The following CCDC136 variants were observed in gnomAD, a reference collection of about 807,000 sequenced individuals.
The protein encoded by CCDC136 is coiled-coil domain-containing protein 136.
Under a neutral mutation model 141.2 loss-of-function variants are expected in CCDC136, and 100 were observed. The observed-to-expected ratio is 0.71, with a 90% CI of 0.60 to 0.84. The LOEUF (loss-of-function observed/expected upper bound fraction) is 0.84, where lower values mean the gene tolerates loss of function less well. CCDC136 is among the 40% of genes least tolerant of loss of function. The probability of loss-of-function intolerance (pLI) is 0.00; values close to 1 mark genes in which losing one functional copy is unlikely to be tolerated. For missense variants in CCDC136, 1,206 were observed against 1,379.4 expected (o/e 0.87, Z 1.99); for synonymous variants, 474 against 531.9 (o/e 0.89, Z 1.50).
At chr7:128,818,897 C>T (rs1203254652) in intron 17 of CCDC136, among the ~76,000 whole-genome samples, 2 of 152,204 alleles carry the variant, frequency 1.3e-5, no homozygotes, top group Admixed American at 6.5e-5. Context: ...TCTCACATTC[C>T]TGTGAACGGA....
In CCDC136 at chr7:128,810,245, T is replaced by G; in HGVS notation, c.1907T>G (p.Leu636Ter). ...KKLIQNQDCV[L>*]KEQLEIHEEL... ...CTGATACAGAACCAAGACTGTGTAT[T>G]AAAAGAACAATTAGAGATCCACGAA... Residue 636 changes from leucine to a stop codon, truncating the protein, a stop_gained, in exon 12 of 18, where the codon TTA (leucine) becomes TGA (stop). Transcript: ENST00000297788. LOFTEE classifies it high-confidence loss of function. 6.2e-7 allele frequency: 1 copy of G among 1,613,498 alleles called. No homozygotes were observed.
chr7:128,812,961 T>C, intron 14 of CCDC136, 32 bp downstream of exon 14: 1 of 1,470,974 alleles, frequency 6.8e-7, no homozygotes, highest in Non-Finnish European at 9.3e-7. Context: ...GGGTTTCCTC[T>C]GGCAGCCCCT....
intron 3 of CCDC136, among the ~76,000 whole-genome samples, chr7:128,796,940 A>G (rs963928952): frequency 1.3e-5 from 2 of 150,240 alleles, no homozygotes; most frequent in Non-Finnish European, 3.0e-5. Context: ...ACGGGGTTTC[A>G]CCGTTTTAGC....
rs754932564 is a variant in CCDC136 at position 128,806,640 on chromosome 7, G to A, written c.1249-48G>A. The A allele has an allele frequency of 1.9e-6, 3 of 1,546,884 alleles. No individual in the cohort carries two copies. The South Asian group carries it at 3.6e-5, about 19-fold the overall frequency. ...TCAAGTGACTCACACAGAAGAGTGAGTGGGTTAAGGAGCCCAAAGGCACTG... is the reference window on the plus strand; with the variant it reads ...TCAAGTGACTCACACAGAAGAGTGAATGGGTTAAGGAGCCCAAAGGCACTG... On this transcript the variant is annotated intron_variant, in intron 8 of 17. Coordinates refer to ENST00000297788, the MANE Select transcript of CCDC136 (RefSeq NM_022742.5).
chr7:128,819,904 A>G (rs1431366274), intron 17 of CCDC136, among the ~76,000 whole-genome samples: 1 of 152,040 alleles, frequency 6.6e-6, no homozygotes, highest in East Asian at 1.9e-4. Context: ...TTATTTATTT[A>G]TTTCATGTAT....
intron 3 of CCDC136, among the ~76,000 whole-genome samples, chr7:128,797,367 GAAATAATGGT>G (rs1803195861): frequency 6.6e-6 from 1 of 152,196 alleles, no homozygotes. Context: ...GAATCCATGG[GAAATAATGGT>G]GCAGTCACAT....
At chr7:128,793,489 G>A (rs1802504158) in intron 1 of CCDC136, among the ~76,000 whole-genome samples, 1 of 152,214 alleles carries the variant, frequency 6.6e-6, no homozygotes, top group South Asian at 2.1e-4. Flanking sequence ...GCCCGAGTTT[G>A]TCCAATGAAA....
Position 128,814,886 on chromosome 7 carries a change from G to A in CCDC136, c.3012G>A (p.Ser1004=), listed in dbSNP as rs192407933. The change falls in exon 15 of 18, where the codon TCG becomes TCA. Residue 1004 remains serine, a synonymous_variant. Coordinates refer to ENST00000297788, the MANE Select transcript of CCDC136 (RefSeq NM_022742.5). ...VKMKKVTKPC[S]DTSESDLETR... is the part of the protein sequence containing the mutation. ...TGAAAAAGGTGACCAAGCCATGCTCGGATACTTCTGAGAGCGACCTTGAGA... is the reference window on the plus strand; with the variant it reads ...TGAAAAAGGTGACCAAGCCATGCTCAGATACTTCTGAGAGCGACCTTGAGA... 41 of 1,603,564 alleles carry A rather than the reference G, an allele frequency of 2.6e-5. No homozygotes were observed. In the Admixed American group the frequency reaches 5.1e-4, roughly 20 times the overall value.
intron 3 of CCDC136, among the ~76,000 whole-genome samples, chr7:128,796,085 A>G (rs1172984466): frequency 6.6e-6 from 1 of 152,136 alleles, no homozygotes; most frequent in African/African-American, 2.4e-5. Flanking sequence ...AAGCGATTCT[A>G]GTGCCTCAGC....
intron 9 of CCDC136, 44 bp downstream of exon 9, chr7:128,806,902 C>T (rs1260785128): frequency 1.3e-6 from 2 of 1,551,008 alleles, no homozygotes; most frequent in Non-Finnish European, 1.7e-6. Context: ...CAGGCATCAT[C>T]TTGTGTGAGG....
In CCDC136 at chr7:128,816,001, G is replaced by A. The variant is rs537714551; in HGVS notation, c.3363+70G>A. On this transcript the variant is annotated intron_variant, in intron 16 of 17. Transcript: ENST00000297788. ...GGCTCAGATAACTCCGAGTTAATGG[G>A]TGGCCCTGCCAAGGATGGATATCTC... is the stretch of plus-strand genomic sequence containing the variant. 1.4e-5 allele frequency: 21 copies of A among 1,473,136 alleles called. No individual in the cohort carries two copies. In the East Asian group the frequency reaches 1.6e-4, roughly 11 times the overall value. 91.3% of individuals were successfully genotyped at this position (1,473,136 alleles called of 1,614,324 possible).
intron 10 of CCDC136, 23 bp downstream of exon 10, chr7:128,807,568 A>G: frequency 7.4e-7 from 1 of 1,349,378 alleles, no homozygotes; most frequent in Non-Finnish European, 9.7e-7. Context: ...CAGAGAGGTG[A>G]CAGCTCCTGG....
intron 3 of CCDC136, among the ~76,000 whole-genome samples, chr7:128,795,282 C>T (rs1304526378): frequency 6.6e-6 from 1 of 151,958 alleles, no homozygotes; most frequent in African/African-American, 2.4e-5. Context: ...GCTTGTGGGC[C>T]CCAAATCCCT....
At chr7:128,809,319 G>A in intron 10 of CCDC136, 131 bp from the exon 11 acceptor site, 1 of 664,992 alleles carries the variant, frequency 1.5e-6, no homozygotes. Context: ...GTGGCTTGGG[G>A]TGACCAGTCC....
At chr7:128,812,455 C>A in intron 13 of CCDC136, 143 bp downstream of exon 13, 1 of 938,038 alleles carries the variant, frequency 1.1e-6, no homozygotes. Context: ...GCGAAGCCCT[C>A]TACCCATGGC....
chr7:128,807,549 A>G lies in CCDC136; in HGVS notation c.1605+4A>G. On this transcript the variant is annotated splice_donor_region_variant and intron_variant, in intron 10 of 17. Coordinates refer to ENST00000297788, the MANE Select transcript of CCDC136 (RefSeq NM_022742.5). ...CAAAGGAAAGTGTGCTAATAAGGTAATTGTCGTTCAGAGAGGTGACAGCTC... is the reference window on the plus strand; with the variant it reads ...CAAAGGAAAGTGTGCTAATAAGGTAGTTGTCGTTCAGAGAGGTGACAGCTC... 1 of 1,390,486 alleles carries G rather than the reference A, an allele frequency of 7.2e-7. No homozygotes were observed. The highest frequency in any genetic ancestry group is 1.9e-4 in the Middle Eastern group (1 of 5,342). The allele number at this position is 1,390,486 out of a possible 1,614,324, so 86.1% of individuals were successfully genotyped here. A position where few individuals can be genotyped will look rare whatever the true frequency, so the allele number is the denominator to read the frequency against.
At position 128,817,620 on chromosome 7, in the gene CCDC136, T is replaced by A. The variant is rs1806832891; in HGVS notation, c.3364-138T>A. 3.9e-6 allele frequency: 3 copies of A among 776,186 alleles called. No individual in the cohort carries two copies. The highest frequency in any genetic ancestry group is 7.0e-6 in the Non-Finnish European group (3 of 430,276). The allele number at this position is 776,186 out of a possible 1,614,324, so 48.1% of individuals were successfully genotyped here. ...AGAAAAGACATGCAACTGCTCTAGC[T>A]TACCTGTTTTTTAACCTCTTGATTC... On this transcript the variant is annotated intron_variant, in intron 16 of 17. Coordinates refer to ENST00000297788, the MANE Select transcript of CCDC136 (RefSeq NM_022742.5). The surrounding 1 kb of genome is among the most constrained non-coding windows in gnomAD (Gnocchi z 4.6).
At chr7:128,791,544 G>A (rs1304301916), upstream of CCDC136, 1 of 1,284,842 alleles carries the variant, frequency 7.8e-7, no homozygotes, top group Non-Finnish European at 9.8e-7. The surrounding 1 kb of genome is among the most constrained non-coding windows in gnomAD (Gnocchi z 7.1). Context: ...GGAGCTGCCC[G>A]GGCCCAGGTC....
chr7:128,800,945 G>T (rs961536105), intron 3 of CCDC136, among the ~76,000 whole-genome samples: 1 of 152,132 alleles, frequency 6.6e-6, no homozygotes, highest in African/African-American at 2.4e-5. Flanking sequence ...TGATTGTTTT[G>T]GTGCCAGGCC....
Sources: allele counts gnomAD v4.1 joint callset (sites outside exome capture counted in the v4.1 genomes callset), GRCh38; gene constraint gnomAD v4.1.1; non-coding constraint Gnocchi (gnomAD v3.1); transcripts MANE v1.5; gene names NCBI Gene and HGNC (gene_info 2026-07-23, HGNC 2026-07-21).